TRPC3: variants seen among roughly 807,000 people sequenced by gnomAD.
The protein encoded by TRPC3 is transient receptor potential cation channel subfamily C member 3, also known as short transient receptor potential channel 3.
In TRPC3, 54 loss-of-function variants were observed where a neutral mutation model predicts 90.9. That is an observed-to-expected ratio of 0.59 (90% CI 0.48 to 0.75). The LOEUF (loss-of-function observed/expected upper bound fraction) is 0.75, where lower values mean the gene tolerates loss of function less well. Ranked by LOEUF, TRPC3 falls within the 30% of genes least tolerant of loss-of-function variation. The pLI is 0.00. For synonymous variants in TRPC3, 424 were observed against 450.9 expected (o/e 0.94, Z 0.75); for missense variants, 918 against 1,194.5 (o/e 0.77, Z 3.41).
intron 3 of TRPC3, among the ~76,000 whole-genome samples, chr4:121,918,789 A>G (rs1237631401): frequency 6.6e-6 from 1 of 152,254 alleles, no homozygotes; most frequent in African/African-American, 2.4e-5. Context: ...ATGCAAGTAC[A>G]CAAGGAGCAT....
chr4:121,949,845 G>A (rs1210178071), intron 1 of TRPC3, among the ~76,000 whole-genome samples: 1 of 152,192 alleles, frequency 6.6e-6, no homozygotes, highest in Non-Finnish European at 1.5e-5. Flanking sequence ...CTAGGGTTTT[G>A]TGTAATTGAC....
At chr4:121,901,976 T>C (rs918983000) in intron 9 of TRPC3, among the ~76,000 whole-genome samples, 29 of 152,204 alleles carry the variant, frequency 1.9e-4, no homozygotes, top group African/African-American at 7.0e-4. Context: ...TTCTTGAAGA[T>C]TCACAACAAT....
intron 10 of TRPC3, among the ~76,000 whole-genome samples, chr4:121,893,643 T>C (rs1728409459): frequency 6.6e-6 from 1 of 152,088 alleles, no homozygotes; most frequent in South Asian, 2.1e-4. Flanking sequence ...ATTTGTAACG[T>C]TGACTATACA....
At chr4:121,937,461 T>G (rs1253076217) in intron 1 of TRPC3, among the ~76,000 whole-genome samples, 1 of 152,142 alleles carries the variant, frequency 6.6e-6, no homozygotes, top group African/African-American at 2.4e-5. Context: ...TATTTAAAAT[T>G]TGGTCTCCAG....
intron 7 of TRPC3, 25 bp downstream of exon 7, chr4:121,907,278 C>G (rs948310639): frequency 6.4e-7 from 1 of 1,573,532 alleles, no homozygotes; most frequent in Non-Finnish European, 8.6e-7. Context: ...TTTATCATAC[C>G]TGTATAATAA....
chr4:121,927,765 A>T (rs954820460), intron 2 of TRPC3, among the ~76,000 whole-genome samples: 2 of 152,188 alleles, frequency 1.3e-5, no homozygotes, highest in African/African-American at 4.8e-5. Flanking sequence ...TTCGTAAGGG[A>T]ACAGATAAAA....
chr4:121,930,517 C>T, intron 2 of TRPC3, among the ~76,000 whole-genome samples: 1 of 152,206 alleles, frequency 6.6e-6, no homozygotes, highest in Non-Finnish European at 1.5e-5. Flanking sequence ...ATAACAAATT[C>T]TCTTACCATG....
At chr4:121,900,331 A>G (rs2149116305) in intron 9 of TRPC3, among the ~76,000 whole-genome samples, 1 of 152,350 alleles carries the variant, frequency 6.6e-6, no homozygotes, top group South Asian at 2.1e-4. Context: ...GTCTTCATGT[A>G]TACGAGCAGG....
chr4:121,884,881 C>G (rs761129210), intron 10 of TRPC3, among the ~76,000 whole-genome samples: 5 of 152,124 alleles, frequency 3.3e-5, no homozygotes, highest in Admixed American at 1.3e-4. Context: ...TGAACACAGT[C>G]CCCAGTCCAG....
intron 1 of TRPC3, among the ~76,000 whole-genome samples, chr4:121,936,551 T>C (rs1730135578): frequency 1.3e-5 from 2 of 152,222 alleles, no homozygotes; most frequent in South Asian, 2.1e-4. Flanking sequence ...ATGGACCAAA[T>C]TGTGTCCCCA....
At chr4:121,892,689 T>C (rs1728369612) in intron 10 of TRPC3, among the ~76,000 whole-genome samples, 1 of 152,148 alleles carries the variant, frequency 6.6e-6, no homozygotes, top group Admixed American at 6.6e-5. Context: ...AAAATGTCAC[T>C]GAATACACAA....
rs762106319 is a variant in TRPC3, at chr4:121,932,901, G to A, written c.357C>T (p.Ala119=). ...CCACTGGGATGTTGCCGTACTCGGC[G>A]GCGTCGAGGAAGCGCTCCTCCTCGG... ...LTAEEERFLD[A]AEYGNIPVVR... Residue 119 remains alanine (A), a synonymous_variant, in exon 2 of 12, where the codon GCC becomes GCT. Transcript: ENST00000379645. The surrounding 1 kb of genome is among the most constrained non-coding windows in gnomAD (Gnocchi z 7.7). 11 of 1,613,974 alleles carry A rather than the reference G, an allele frequency of 6.8e-6. No individual in the cohort carries two copies. Among genetic ancestry groups the A allele is most frequent in the South Asian group, 5.5e-5 (5 of 91,062 alleles).
intron 2 of TRPC3, among the ~76,000 whole-genome samples, chr4:121,926,271 A>G (rs1729708167): frequency 6.6e-6 from 1 of 152,164 alleles, no homozygotes; most frequent in East Asian, 1.9e-4. Flanking sequence ...TTGTTCCGGG[A>G]GTGTAACCCT....
chr4:121,903,367 T>C (rs1728768439), intron 8 of TRPC3, among the ~76,000 whole-genome samples: 1 of 152,046 alleles, frequency 6.6e-6, no homozygotes, highest in South Asian at 2.1e-4. Flanking sequence ...AATGATTAAT[T>C]CCTCCCTCTG....
chr4:121,887,124 C>T (rs1382735180), intron 10 of TRPC3, among the ~76,000 whole-genome samples: 1 of 152,150 alleles, frequency 6.6e-6, no homozygotes, highest in Non-Finnish European at 1.5e-5. Context: ...AGGTAGGGGA[C>T]TGTGACTGAA....
intron 10 of TRPC3, among the ~76,000 whole-genome samples, chr4:121,885,302 T>C (rs1728076331): frequency 6.6e-6 from 1 of 152,256 alleles, no homozygotes; most frequent in Non-Finnish European, 1.5e-5. Context: ...CAAGACAGTA[T>C]TGTGTAATAG....
chr4:121,948,793 ATGT>A (rs1466765704), intron 1 of TRPC3, among the ~76,000 whole-genome samples: 3 of 149,430 alleles, frequency 2.0e-5, no homozygotes, highest in Non-Finnish European at 4.4e-5. Flanking sequence ...CCACAACTTA[ATGT>A]TGTCCTTCTC....
In TRPC3 at chr4:121,925,201, G is replaced by A. The variant is rs1037371227; in HGVS notation, c.993C>T (p.Asp331=). Residue 331 remains aspartate, a synonymous_variant, in exon 3 of 12, where the codon GAC becomes GAT. Transcript: ENST00000379645. ...LANIEKEFKN[D]YRKLSMQCKD... is the part of the protein sequence containing the mutation. ...TGCATTGCATGGAGAGCTTCCGATA[G>A]TCATTCTAAGAACAAGAGGTTTAGT... The A allele has an allele frequency of 1.2e-6, 2 of 1,607,734 alleles. No individual in the cohort carries two copies. The highest frequency in any genetic ancestry group is 1.1e-5 in the South Asian group (1 of 89,422).
chr4:121,886,071 T>TTC (rs957905913), intron 10 of TRPC3, among the ~76,000 whole-genome samples: 2 of 152,288 alleles, frequency 1.3e-5, no homozygotes. Flanking sequence ...CAAACCCAAG[T>TTC]TCATTTTTCA....
Sources: allele counts gnomAD v4.1 joint callset (sites outside exome capture counted in the v4.1 genomes callset), GRCh38; gene constraint gnomAD v4.1.1; non-coding constraint Gnocchi (gnomAD v3.1); transcripts MANE v1.5; gene names NCBI Gene and HGNC (gene_info 2026-07-23, HGNC 2026-07-21).